Variants in MOSMO observed in about 807,000 individuals in gnomAD.
MOSMO encodes modulator of smoothened.
Under a neutral mutation model 18.4 loss-of-function variants are expected in MOSMO, and 5 were observed. The ratio of observed to expected loss-of-function variants is 0.27; its 90% CI spans 0.14 to 0.57. The LOEUF (loss-of-function observed/expected upper bound fraction) is 0.57, where lower values mean the gene tolerates loss of function less well. MOSMO is among the 20% of genes least tolerant of loss of function. The pLI is 0.92. For synonymous variants in MOSMO, 82 were observed against 82.3 expected (o/e 1.00, Z 0.02); for missense variants, 138 against 211.8 (o/e 0.65, Z 2.16).
At chr16:22,089,968 C>A (rs1475267033), downstream of MOSMO, 1 of 151,834 alleles carries the variant, frequency 6.6e-6, no homozygotes, top group Non-Finnish European at 1.5e-5. Flanking sequence ...TACCATGGTC[C>A]CTTTGGTTTC....
At chr16:22,036,066 G>T (rs766814557) in intron 1 of MOSMO, among the ~76,000 whole-genome samples, 9 of 152,088 alleles carry the variant, frequency 5.9e-5, no homozygotes, top group Non-Finnish European at 1.2e-4. Flanking sequence ...GTTACCTCCA[G>T]TACATGTCGA....
chr16:22,089,002 G>GAA (rs748250714), downstream of MOSMO, among the ~76,000 whole-genome samples: 1 of 135,914 alleles, frequency 7.4e-6, no homozygotes. Context: ...TTTGTTGAGA[G>GAA]AAAAAAAAAA....
Position 22,084,557 on chromosome 16 carries a change from T to C in MOSMO, c.*3677T>C, listed in dbSNP as rs1901137341. 1 of 152,220 alleles carries C rather than the reference T, an allele frequency of 6.6e-6. No individual in the cohort carries two copies. Among genetic ancestry groups the C allele is most frequent in the Admixed American group, 6.5e-5 (1 of 15,274 alleles). 9.4% of individuals were successfully genotyped at this position (152,220 alleles called of 1,614,324 possible). Reference sequence around the variant, plus strand: ...CAATTAATAGTTTCAAAACAAATTGTTAATACAACTGTATAAAATGAACAT... The same window carrying C: ...CAATTAATAGTTTCAAAACAAATTGCTAATACAACTGTATAAAATGAACAT... On this transcript the variant is annotated 3_prime_UTR_variant, in exon 3 of 3. Transcript: ENST00000542527.
downstream of MOSMO, chr16:22,085,044 T>C (rs913126400): frequency 1.3e-5 from 2 of 152,212 alleles, no homozygotes; most frequent in African/African-American, 4.8e-5. Context: ...CAGTCTTCTG[T>C]TTCTACTTTA....
intron 1 of MOSMO, among the ~76,000 whole-genome samples, chr16:22,073,083 C>G (rs1900890876): frequency 6.6e-6 from 1 of 152,112 alleles, no homozygotes; most frequent in African/African-American, 2.4e-5. Flanking sequence ...AAAGCAATTC[C>G]ACTCAGAATC....
intron 1 of MOSMO, among the ~76,000 whole-genome samples, chr16:22,054,773 G>T (rs1184324541): frequency 6.6e-6 from 1 of 150,580 alleles, no homozygotes; most frequent in Non-Finnish European, 1.5e-5. Context: ...CCACTATCTT[G>T]ACTATTTAGA....
intron 1 of MOSMO, among the ~76,000 whole-genome samples, chr16:22,023,492 C>T (rs1175820317): frequency 1.3e-5 from 2 of 152,196 alleles, no homozygotes; most frequent in Non-Finnish European, 1.5e-5. Context: ...GTTTTCCCTA[C>T]TGTGCTATTT....
At chr16:22,047,238 ATTTTT>A (rs770005970) in intron 1 of MOSMO, among the ~76,000 whole-genome samples, 2 of 110,832 alleles carry the variant, frequency 1.8e-5, no homozygotes, top group South Asian at 3.4e-4. Context: ...ATGCACCATA[ATTTTT>A]TTTTTTTTTT....
At position 22,008,341 on chromosome 16, in the gene MOSMO, G is replaced by A; in HGVS notation, c.40G>A (p.Ala14Thr). 6.5e-7 allele frequency: 1 copy of A among 1,533,666 alleles called. No individual in the cohort carries two copies. The highest frequency in any genetic ancestry group is 8.7e-7 in the Non-Finnish European group (1 of 1,145,904). Reference protein sequence around the residue: ...LTIISGCLFLAADIFAIASIA... With the variant: ...LTIISGCLFLTADIFAIASIA... ...CATCATCTCAGGATGTCTCTTTCTGGCCGCCGATATCTTCGCCATCGCCAG... is the reference window on the plus strand; with the variant it reads ...CATCATCTCAGGATGTCTCTTTCTGACCGCCGATATCTTCGCCATCGCCAG... Residue 14 changes from alanine to threonine, a missense_variant, in exon 1 of 3, where the codon GCC (alanine) becomes ACC (threonine). By Grantham distance (58) the Ala-to-Thr change is moderately conservative. Transcript: ENST00000542527.
At chr16:22,091,042 A>G (rs1901305452), downstream of MOSMO, among the ~76,000 whole-genome samples, 1 of 152,130 alleles carries the variant, frequency 6.6e-6, no homozygotes, top group African/African-American at 2.4e-5. Flanking sequence ...GCCTAAAAAA[A>G]AAAAAATGTT....
intron 1 of MOSMO, among the ~76,000 whole-genome samples, chr16:22,074,801 A>G (rs1207037217): frequency 6.6e-6 from 1 of 152,228 alleles, no homozygotes; most frequent in South Asian, 2.1e-4. Flanking sequence ...GAAGCATGCC[A>G]GCCATGGTTT....
intron 1 of MOSMO, among the ~76,000 whole-genome samples, chr16:22,054,634 G>A (rs866335397): frequency 6.6e-6 from 1 of 151,932 alleles, no homozygotes; most frequent in African/African-American, 2.4e-5. Context: ...CTCTTCATAA[G>A]TTCTCTTCAA....
chr16:22,048,589 T>C (rs1160609032), intron 1 of MOSMO, among the ~76,000 whole-genome samples: 4 of 152,230 alleles, frequency 2.6e-5, no homozygotes. Flanking sequence ...ATTTAATCTT[T>C]TGAGGTTTTA....
intron 1 of MOSMO, among the ~76,000 whole-genome samples, chr16:22,041,769 G>A (rs958985400): frequency 1.3e-5 from 2 of 151,852 alleles, no homozygotes; most frequent in African/African-American, 2.4e-5. Context: ...CCTTGAACTG[G>A]GCTCAAGCAT....
In MOSMO at chr16:22,083,502, T is replaced by TA; in HGVS notation, c.*2624dup. 1 of 313,230 alleles carries TA rather than the reference T, an allele frequency of 3.2e-6. No homozygotes were observed. Among genetic ancestry groups the TA allele is most frequent in the Non-Finnish European group, 6.0e-6 (1 of 166,158 alleles). The allele number at this position is 313,230 out of a possible 1,614,324, so 19.4% of individuals were successfully genotyped here. ...TTCATATAGATTTCTATAAATCCTA[T>TA]AAGTGAAAAGATAGACAACTGTCCG... On this transcript the variant is annotated 3_prime_UTR_variant, in exon 3 of 3. Coordinates refer to ENST00000542527, the MANE Select transcript of MOSMO (RefSeq NM_001164579.2).
intron 1 of MOSMO, among the ~76,000 whole-genome samples, chr16:22,058,631 G>A (rs1354775175): frequency 6.6e-6 from 1 of 152,122 alleles, no homozygotes; most frequent in Non-Finnish European, 1.5e-5. Flanking sequence ...ATGGGGGAAA[G>A]AAGGGGAAGG....
At chr16:22,021,359 A>C (rs968937761) in intron 1 of MOSMO, among the ~76,000 whole-genome samples, 2 of 152,100 alleles carry the variant, frequency 1.3e-5, no homozygotes, top group African/African-American at 4.8e-5. Flanking sequence ...TGTGCTTGAA[A>C]ATTTACCTAA....
chr16:22,009,409 C>T (rs1167853687), intron 1 of MOSMO, among the ~76,000 whole-genome samples: 2 of 151,892 alleles, frequency 1.3e-5, no homozygotes, highest in African/African-American at 2.4e-5. Flanking sequence ...TGAAGGGTAC[C>T]CCAGGTGAAT....
chr16:22,063,632 G>A (rs1450826328), intron 1 of MOSMO, among the ~76,000 whole-genome samples: 1 of 152,202 alleles, frequency 6.6e-6, no homozygotes, highest in Non-Finnish European at 1.5e-5. Context: ...TAAACCGAGA[G>A]CAGGGTGTTC....
Sources: gnomAD v4.1 joint callset for allele counts (sites outside exome capture counted in the v4.1 genomes callset) on GRCh38, gnomAD v4.1.1 for gene constraint, MANE v1.5 for transcripts, NCBI Gene and HGNC (gene_info 2026-07-23, HGNC 2026-07-21) for gene names.